FOXN1: variants seen among roughly 807,000 people sequenced by gnomAD.
FOXN1 encodes forkhead box N1.
Under a neutral mutation model 49.0 loss-of-function variants are expected in FOXN1, and 15 were observed. The ratio of observed to expected loss-of-function variants is 0.31; its 90% CI spans 0.20 to 0.47. The LOEUF (loss-of-function observed/expected upper bound fraction) is 0.47. FOXN1 is among the 20% of genes least tolerant of loss of function. The pLI is 1.00. For missense variants in FOXN1, 800 were observed against 842.8 expected (o/e 0.95, Z 0.63); for synonymous variants, 356 against 369.0 (o/e 0.96, Z 0.40).
chr17:28,511,647 A>G (rs1024938525), intron 1 of FOXN1, among the ~76,000 whole-genome samples: 1 of 152,082 alleles, frequency 6.6e-6, no homozygotes, highest in Non-Finnish European at 1.5e-5. Context: ...GGTCCCCAGG[A>G]CAGCCAGATG....
Position 28,534,897 on chromosome 17 carries a change from A to G in FOXN1, c.1326A>G (p.Leu442=). 6.2e-7 allele frequency: 1 copy of G among 1,613,968 alleles called. No individual in the cohort carries two copies. Among genetic ancestry groups the G allele is most frequent in the South Asian group, 1.1e-5 (1 of 91,080 alleles). Residue 442 remains leucine, a synonymous_variant, in exon 8 of 9, where the codon CTA becomes CTG. Transcript: ENST00000579795. The surrounding 1 kb of genome is among the most constrained non-coding windows in gnomAD (Gnocchi z 4.1). ...PIPGKNPLQD[L]LMGHTPSCYG... ...CTGGCAAGAACCCCCTGCAGGACCTACTTATGGGGCACACACCCTCCTGCT... is the reference window on the plus strand; with the variant it reads ...CTGGCAAGAACCCCCTGCAGGACCTGCTTATGGGGCACACACCCTCCTGCT...
intron 8 of FOXN1, among the ~76,000 whole-genome samples, chr17:28,536,868 AC>A (rs2070077187): frequency 6.7e-6 from 1 of 150,060 alleles, no homozygotes. Context: ...CCCAATGCCC[AC>A]CCCCCAAAAA....
At chr17:28,531,881 G>A (rs1567884477) in intron 6 of FOXN1, among the ~76,000 whole-genome samples, 1 of 152,202 alleles carries the variant, frequency 6.6e-6, no homozygotes, top group Non-Finnish European at 1.5e-5. Context: ...CATCAGATGA[G>A]GAGTGGGCAA....
intron 4 of FOXN1, 142 bp downstream of exon 4, chr17:28,527,503 G>A: frequency 1.5e-6 from 1 of 682,448 alleles, no homozygotes; most frequent in South Asian, 1.5e-5. Flanking sequence ...CTTAGGCTTG[G>A]CCACAGCAGG....
At position 28,534,477 on chromosome 17, in the gene FOXN1, G is replaced by C; in HGVS notation, c.1074G>C (p.Glu358Asp). Residue 358 changes from glutamate (E) to aspartate (D), a missense_variant, in exon 7 of 9, where the codon GAG (glutamate) becomes GAC (aspartate). Physicochemically the swap from Glu to Asp is conservative, Grantham distance 45. Around this residue, in one of 3 missense-constraint regions of FOXN1, gnomAD observed 73 missense variants for 118.9 expected, o/e 0.61. Transcript: ENST00000579795. This position sits in a 1 kb window ranked among gnomAD's most constrained non-coding sequence, Gnocchi z 4.1. ...CGGCCAAGATCGACAAGATGCAAGAGGAGCTGCAAAAATGGAAGAGGAAAG... is the reference window on the plus strand; with the variant it reads ...CGGCCAAGATCGACAAGATGCAAGACGAGCTGCAAAAATGGAAGAGGAAAG... Reference protein sequence around the residue: ...LNPAKIDKMQEELQKWKRKDP... With the variant: ...LNPAKIDKMQDELQKWKRKDP... 6.2e-7 allele frequency: 1 copy of C among 1,614,108 alleles called. No homozygotes were observed. The highest frequency in any genetic ancestry group is 8.5e-7 in the Non-Finnish European group (1 of 1,180,008).
chr17:28,521,564 G>A (rs962430490), intron 1 of FOXN1, among the ~76,000 whole-genome samples: 7 of 152,218 alleles, frequency 4.6e-5, no homozygotes, highest in Non-Finnish European at 8.8e-5. Flanking sequence ...GTCCCGTTAC[G>A]GCCAGCTCGG....
intron 1 of FOXN1, among the ~76,000 whole-genome samples, chr17:28,517,929 G>C (rs2069559448): frequency 6.8e-6 from 1 of 147,142 alleles, no homozygotes; most frequent in Non-Finnish European, 1.5e-5. Context: ...CACCTCCACA[G>C]GGTACAGACC....
At chr17:28,515,160 C>G (rs2069469119) in intron 1 of FOXN1, among the ~76,000 whole-genome samples, 1 of 152,052 alleles carries the variant, frequency 6.6e-6, no homozygotes, top group Non-Finnish European at 1.5e-5. Flanking sequence ...CAGGGGCGCC[C>G]CACATAAAGG....
At chr17:28,518,608 C>T (rs1357715676) in intron 1 of FOXN1, among the ~76,000 whole-genome samples, 1 of 152,204 alleles carries the variant, frequency 6.6e-6, no homozygotes, top group East Asian at 1.9e-4. Context: ...GTCAAAGGGC[C>T]GTTTCTTTCT....
chr17:28,517,235 A>G (rs972314911), intron 1 of FOXN1, among the ~76,000 whole-genome samples: 4 of 133,868 alleles, frequency 3.0e-5, no homozygotes, highest in African/African-American at 1.2e-4. Context: ...CTGGGTACAC[A>G]CCTCCACAGG....
In FOXN1 at chr17:28,534,249, G is replaced by A. The variant is rs1597566190; in HGVS notation, c.928-82G>A. 6 of 1,607,448 alleles carry A rather than the reference G, an allele frequency of 3.7e-6. No individual in the cohort carries two copies. Among genetic ancestry groups the A allele is most frequent in the Non-Finnish European group, 3.4e-6 (4 of 1,177,536 alleles). ...CAGCTCTGTGCCCAGAGGAGAAACA[G>A]GAGTGTTCTAGAACCCAGACCTGAA... is the stretch of plus-strand genomic sequence containing the variant. On this transcript the variant is annotated intron_variant, in intron 6 of 8. Coordinates refer to ENST00000579795, the MANE Select transcript of FOXN1 (RefSeq NM_001369369.1). This position sits in a 1 kb window ranked among gnomAD's most constrained non-coding sequence, Gnocchi z 4.1.
intron 1 of FOXN1, among the ~76,000 whole-genome samples, chr17:28,512,279 C>A (rs1399827989): frequency 2.6e-5 from 4 of 152,212 alleles, no homozygotes; most frequent in Non-Finnish European, 2.9e-5. Context: ...TTTCAGGGAA[C>A]TTTCTTCTCT....
At chr17:28,506,756 T>A (rs151121276) in intron 1 of FOXN1, among the ~76,000 whole-genome samples, 1 of 152,182 alleles carries the variant, frequency 6.6e-6, no homozygotes, top group African/African-American at 2.4e-5. Context: ...ACCCACCCTG[T>A]GCTGGGAGGA....
chr17:28,538,027 G>C lies in FOXN1; in HGVS notation c.*591G>C, dbSNP rs1300331871. The C allele has an allele frequency of 6.1e-6, 1 of 163,212 alleles. No individual in the cohort carries two copies. The highest frequency in any genetic ancestry group is 1.7e-4 in the East Asian group (1 of 5,904). The allele number at this position is 163,212 out of a possible 1,614,324, so 10.1% of individuals were successfully genotyped here. A position where few individuals can be genotyped will look rare whatever the true frequency, so the allele number is the denominator to read the frequency against. On this transcript the variant is annotated 3_prime_UTR_variant, in exon 9 of 9. Coordinates refer to ENST00000579795, the MANE Select transcript of FOXN1 (RefSeq NM_001369369.1). ...AGCCCAGCAAGAAGGAGGAGACAGA[G>C]AGCTCCTCCCTGGGTTGTCTGTGGA...
rs562873214 is a variant in FOXN1, at chr17:28,538,212, C to G, written c.*776C>G. The stretch of plus-strand genomic sequence containing the variant: ...TTCCGAAGCAGTGTTTGGAAAAGCC[C>G]TTGCCCTCGGAAACTTGAACATGTC... On this transcript the variant is annotated 3_prime_UTR_variant, in exon 9 of 9. Transcript: ENST00000579795. 2 of 152,300 alleles carry G rather than the reference C, an allele frequency of 1.3e-5. No homozygotes were observed. The highest frequency in any genetic ancestry group is 2.9e-5 in the Non-Finnish European group (2 of 68,056). 9.4% of individuals were successfully genotyped at this position (152,300 alleles called of 1,614,324 possible).
intron 1 of FOXN1, among the ~76,000 whole-genome samples, chr17:28,506,968 A>G (rs1443464581): frequency 6.6e-6 from 1 of 152,218 alleles, no homozygotes; most frequent in Non-Finnish European, 1.5e-5. Context: ...GCCCATGCAG[A>G]GGCCTGGGTT....
At chr17:28,518,101 GT>G (rs2069567543) in intron 1 of FOXN1, among the ~76,000 whole-genome samples, 1 of 147,972 alleles carries the variant, frequency 6.8e-6, no homozygotes, top group Admixed American at 6.7e-5. Flanking sequence ...CCTCCACAGG[GT>G]ACACACCTCC....
chr17:28,535,062 C>A lies in FOXN1; in HGVS notation c.1491C>A (p.Thr497=). Residue 497 remains threonine (T), a synonymous_variant, in exon 8 of 9, where the codon ACC becomes ACA. Coordinates refer to ENST00000579795, the MANE Select transcript of FOXN1 (RefSeq NM_001369369.1). ...AGGACTCGCCTCTGCCTGCCCACAC[C>A]CCACCCAGCCACAGTGCCAAGCTAC... ...TPQDSPLPAH[T]PPSHSAKLLA... 3 of 1,610,496 alleles carry A rather than the reference C, an allele frequency of 1.9e-6. No homozygotes were observed. Among genetic ancestry groups the A allele is most frequent in the Non-Finnish European group, 1.7e-6 (2 of 1,177,534 alleles).
At chr17:28,533,502 G>T (rs2069970063) in intron 6 of FOXN1, among the ~76,000 whole-genome samples, 1 of 118,982 alleles carries the variant, frequency 8.4e-6, no homozygotes. Flanking sequence ...CCCACTGCCT[G>T]AGGGCTGGCC....
Sources: gnomAD v4.1 joint callset for allele counts (sites outside exome capture counted in the v4.1 genomes callset) on GRCh38, gnomAD v4.1.1 for gene constraint, gnomAD v4.1.1 regional missense constraint, Gnocchi (gnomAD v3.1) non-coding constraint, MANE v1.5 for transcripts, NCBI Gene and HGNC (gene_info 2026-07-23, HGNC 2026-07-21) for gene names.